Variants in CLCN5 observed in about 807,000 individuals in gnomAD.
CLCN5 encodes H(+)/Cl(-) exchange transporter 5.
A neutral mutation model predicts 54.0 loss-of-function variants in CLCN5; 17 were observed. The ratio of observed to expected loss-of-function variants is 0.31; its 90% CI spans 0.22 to 0.47. The LOEUF (loss-of-function observed/expected upper bound fraction) is 0.47, where lower values mean the gene tolerates loss of function less well. Ranked by LOEUF, CLCN5 falls within the 20% of genes least tolerant of loss-of-function variation. The pLI, the probability that CLCN5 is intolerant of heterozygous loss-of-function variation, is 1.00. For missense variants in CLCN5, 448 were observed against 646.7 expected, an observed-to-expected ratio of 0.69 and a Z score of 3.33; for synonymous variants, 222 against 233.0, an observed-to-expected ratio of 0.95 and a Z score of 0.43.
chrX:49,960,109 A>G (rs1053993954), intron 3 of CLCN5, among the ~76,000 whole-genome samples: 2 of 109,839 alleles, frequency 1.8e-5, no homozygotes, highest in African/African-American at 3.3e-5. Flanking sequence ...TCCTGCTTCT[A>G]TGTTCTTTCC....
At chrX:50,051,717 T>C (rs1457814981) in intron 4 of CLCN5, among the ~76,000 whole-genome samples, 9 of 112,028 alleles carry the variant, frequency 8.0e-5, no homozygotes, top group African/African-American at 2.6e-4. Context: ...ATAGATCTTG[T>C]ATATATTTTC....
chrX:50,087,708 A>G (rs1219694405), intron 11 of CLCN5, among the ~76,000 whole-genome samples: 6 of 111,433 alleles, frequency 5.4e-5, no homozygotes, highest in Non-Finnish European at 9.4e-5. Context: ...CCATCCCCTC[A>G]ATACAGGGAA....
intron 3 of CLCN5, among the ~76,000 whole-genome samples, chrX:50,029,117 C>T (rs1931561090): frequency 8.9e-6 from 1 of 112,017 alleles, no homozygotes; most frequent in Non-Finnish European, 1.9e-5. Flanking sequence ...GATTTAGCAA[C>T]TATTAAGTTC....
At chrX:50,049,867 T>C (rs1185636603) in intron 4 of CLCN5, among the ~76,000 whole-genome samples, 1 of 112,156 alleles carries the variant, frequency 8.9e-6, no homozygotes, top group Non-Finnish European at 1.9e-5. Context: ...CCTTCTTCTC[T>C]TGAGTCCATG....
chrX:50,015,591 ATC>A (rs1220707915), intron 3 of CLCN5, among the ~76,000 whole-genome samples: 6 of 106,473 alleles, frequency 5.6e-5, no homozygotes, highest in South Asian at 4.2e-4. Context: ...CCGTCTCTCC[ATC>A]TCTCTCTCTC....
chrX:50,095,947 T>G lies in CLCN5; in HGVS notation c.*3728T>G, dbSNP rs1328730082. The G allele has an allele frequency of 2.7e-5, 3 of 112,505 alleles. No homozygotes were observed. The East Asian group carries it at 8.4e-4, about 31-fold the overall frequency. The allele number at this position is 112,505 out of a possible 1,213,427, so 9.3% of individuals were successfully genotyped here. A position where few individuals can be genotyped will look rare whatever the true frequency, so the allele number is the denominator to read the frequency against. On this transcript the variant is annotated 3_prime_UTR_variant, in exon 15 of 15. Transcript: ENST00000376091. ...ATCTCTTGTTTTGTTTTGTTTTGTT[T>G]TTAAATAATGAACAGTGCAATCTTT...
intron 3 of CLCN5, among the ~76,000 whole-genome samples, chrX:50,019,451 G>A (rs1467140764): frequency 4.1e-5 from 3 of 74,056 alleles, no homozygotes; most frequent in Non-Finnish European, 7.8e-5. Context: ...TGTCTTTCAT[G>A]CTTACTTTTT....
At chrX:49,933,503 C>T (rs1275677461) in intron 3 of CLCN5, among the ~76,000 whole-genome samples, 1 of 112,011 alleles carries the variant, frequency 8.9e-6, no homozygotes, top group African/African-American at 3.2e-5. Context: ...ATTTGGTAGC[C>T]AAGGTTATTT....
intron 3 of CLCN5, among the ~76,000 whole-genome samples, chrX:49,974,167 T>C (rs1271440292): frequency 2.7e-5 from 3 of 112,470 alleles, no homozygotes; most frequent in Non-Finnish European, 5.6e-5. Context: ...ACATTTGTGT[T>C]TCCACTCTTT....
Position 50,090,647 on chromosome X carries a change from G to T in CLCN5, c.2144-23G>T, listed in dbSNP as rs782258152. The T allele has an allele frequency of 5.0e-5, 59 of 1,190,958 alleles. No homozygotes were observed. In the Admixed American group the frequency reaches 1.3e-3, roughly 27 times the overall value. Reference sequence around the variant, plus strand: ...GAGCTAGCACGTCCATCTTCAATTTGTTTTTTCCTTCTGTTTGAATAGAAA... The same window carrying T: ...GAGCTAGCACGTCCATCTTCAATTTTTTTTTTCCTTCTGTTTGAATAGAAA... On this transcript the variant is annotated intron_variant, in intron 13 of 14. Coordinates refer to ENST00000376091, the MANE Select transcript of CLCN5 (RefSeq NM_001127898.4).
intron 7 of CLCN5, among the ~76,000 whole-genome samples, chrX:50,076,523 G>A (rs782152129): frequency 7.2e-5 from 8 of 110,685 alleles, no homozygotes; most frequent in South Asian, 7.8e-4. Context: ...TCTAGCATAC[G>A]TTTTTGTTTT....
At chrX:49,972,877 T>C (rs926775142) in intron 3 of CLCN5, among the ~76,000 whole-genome samples, 11 of 111,914 alleles carry the variant, frequency 9.8e-5, no homozygotes, top group Admixed American at 9.5e-4. Flanking sequence ...TTAAGCAAAG[T>C]AGGAAAAAGG....
At chrX:50,052,080 A>G (rs1358509725) in intron 4 of CLCN5, among the ~76,000 whole-genome samples, 12 of 112,047 alleles carry the variant, frequency 1.1e-4, no homozygotes, top group African/African-American at 3.9e-4. Context: ...GAATGGTAAG[A>G]GAAGACATCC....
At chrX:50,014,719 AC>A in intron 3 of CLCN5, 1 of 315,030 alleles carries the variant, frequency 3.2e-6, no homozygotes, top group Admixed American at 3.7e-5. Context: ...CCTAGACATC[AC>A]CCCTCCCACC....
chrX:50,003,077 TG>T, intron 3 of CLCN5: 2 of 334,040 alleles, frequency 6.0e-6, no homozygotes, highest in Non-Finnish European at 6.1e-6. Context: ...ACAGCATGTC[TG>T]GGGCACAGTC....
chrX:49,949,698 C>T (rs1178079119), intron 3 of CLCN5, among the ~76,000 whole-genome samples: 1 of 111,186 alleles, frequency 9.0e-6, no homozygotes, highest in Non-Finnish European at 1.9e-5. Flanking sequence ...AATACTTAGT[C>T]CTAAATACTG....
intron 3 of CLCN5, among the ~76,000 whole-genome samples, chrX:50,015,718 T>C (rs1557183438): frequency 9.1e-6 from 1 of 110,390 alleles, no homozygotes; most frequent in African/African-American, 3.3e-5. Context: ...CAGTTGTTAC[T>C]CTCTTCTTAG....
At chrX:50,002,549 A>G (rs1225495698) in intron 3 of CLCN5, among the ~76,000 whole-genome samples, 1 of 111,122 alleles carries the variant, frequency 9.0e-6, no homozygotes, top group Non-Finnish European at 1.9e-5. Context: ...CACTTCTCAT[A>G]CTTCTCACTT....
chrX:50,089,202 C>G (rs782442182), intron 12 of CLCN5, among the ~76,000 whole-genome samples: 33 of 111,997 alleles, frequency 2.9e-4, no homozygotes, highest in African/African-American at 1.0e-3. Flanking sequence ...TAAATTTGCA[C>G]TTGAGGGACT....
Sources: gnomAD v4.1 joint callset for allele counts (sites outside exome capture counted in the v4.1 genomes callset) on GRCh38, gnomAD v4.1.1 for gene constraint, MANE v1.5 for transcripts, NCBI Gene and HGNC (gene_info 2026-07-23, HGNC 2026-07-21) for gene names.